The following RBM34 variants were observed in gnomAD, a reference collection of about 807,000 sequenced individuals.
RBM34 encodes the protein RNA-binding protein 34.
In RBM34, 39 loss-of-function variants were observed where a neutral mutation model predicts 44.6. The ratio of observed to expected loss-of-function variants is 0.87; its 90% CI spans 0.68 to 1.14. RBM34 has a LOEUF of 1.14. Among genes scored for constraint, RBM34 ranks in the 50% most tolerant of loss-of-function variants. The probability of loss-of-function intolerance (pLI) is 0.00; values close to 1 mark genes in which losing one functional copy is unlikely to be tolerated. For synonymous variants in RBM34, 194 were observed against 184.0 expected, an observed-to-expected ratio of 1.05 and a Z score of -0.44; for missense variants, 572 against 517.9, an observed-to-expected ratio of 1.10 and a Z score of -1.01.
chr1:235,152,142 T>C (rs1173627405), intron 5 of RBM34, among the ~76,000 whole-genome samples: 1 of 148,388 alleles, frequency 6.7e-6, no homozygotes, highest in Non-Finnish European at 1.5e-5. Flanking sequence ...CCTATGCAGT[T>C]AAAAAAAAAA....
intron 6 of RBM34, among the ~76,000 whole-genome samples, chr1:235,139,967 T>C (rs1000965073): frequency 6.6e-6 from 1 of 152,212 alleles, no homozygotes; most frequent in Non-Finnish European, 1.5e-5. Flanking sequence ...GGCAGGAGTG[T>C]GCGCCCATCC....
chr1:235,134,086 T>G (rs1459689921), intron 10 of RBM34, among the ~76,000 whole-genome samples: 2 of 152,118 alleles, frequency 1.3e-5, no homozygotes, highest in East Asian at 3.8e-4. Context: ...CCATCCAGGT[T>G]GGGTGGCTCA....
Position 235,142,073 on chromosome 1 carries a change from G to A in RBM34, c.702-3899C>T, listed in dbSNP as rs1386585320. ...GAGAAGACCCCTACAGCCGGAGGAA[G>A]GGAGGAGTCCAGCTACCGGGGGAGA... On this transcript the variant is annotated intron_variant, in intron 6 of 10. Transcript: ENST00000408888. 2.0e-5 allele frequency among the ~76,000 whole-genome samples: 3 copies of A among 152,268 alleles called. No individual in the cohort carries two copies. The East Asian group carries it at 5.8e-4, about 29-fold the overall frequency.
rs1662710284 is a variant in RBM34 at position 235,161,211 on chromosome 1, T to C, written c.16A>G (p.Met6Val). 6.2e-7 allele frequency: 1 copy of C among 1,611,992 alleles called. No homozygotes were observed. The highest frequency in any genetic ancestry group is 1.3e-5 in the African/African-American group (1 of 74,862). Residue 6 changes from methionine to valine, a missense_variant, in exon 1 of 11, where the codon ATG becomes GTG. Physicochemically the swap from Met to Val is conservative, Grantham distance 21. Transcript: ENST00000408888. The part of the protein sequence containing the change: MALEG[M>V]SKRKRKRSVQ... Reference sequence around the variant, plus strand: ...CTTCTCTTTCTCTTCCGTTTGCTCATCCCTTCCAAGGCCATTCTTACTCCA... The same window carrying C: ...CTTCTCTTTCTCTTCCGTTTGCTCACCCCTTCCAAGGCCATTCTTACTCCA...
At chr1:235,159,167 C>T (rs1395717874) in intron 3 of RBM34, among the ~76,000 whole-genome samples, 3 of 149,218 alleles carry the variant, frequency 2.0e-5, no homozygotes, top group Non-Finnish European at 3.0e-5. Flanking sequence ...GAGCCGCAAT[C>T]GCACCACTGC....
chr1:235,147,942 C>CA (rs1028313550), intron 6 of RBM34, among the ~76,000 whole-genome samples: 18 of 151,604 alleles, frequency 1.2e-4, no homozygotes, highest in Non-Finnish European at 2.2e-4. Context: ...GAGTGGGAAA[C>CA]AAAAAAAATC....
rs1471732625 is a variant in RBM34, at chr1:235,131,933, C to CT, written c.1072dup (p.Arg358LysfsTer7). ...TTCTTTATTAACAGAACGCATGACTCTGAGTTTTCTCCCCATGAGTTCAGA... is the reference window on the plus strand; with the variant it reads ...TTCTTTATTAACAGAACGCATGACTCTTGAGTTTTCTCCCCATGAGTTCAGA... On this transcript the variant is annotated frameshift_variant, in exon 11 of 11. Coordinates refer to ENST00000408888, the MANE Select transcript of RBM34 (RefSeq NM_015014.4). LOFTEE classifies it high-confidence loss of function. 2 of 1,612,416 alleles carry CT rather than the reference C, an allele frequency of 1.2e-6. No homozygotes were observed. Among genetic ancestry groups the CT allele is most frequent in the East Asian group, 2.2e-5 (1 of 44,862 alleles).
rs544081649 is a variant in RBM34 at position 235,154,561 on chromosome 1, T to C, written c.597+320A>G. ...CCTAGGTGACAGTGAGAACCTGTCC[T>C]GAAAAAGAAAAGAAAAAGGAAAGAC... is the stretch of plus-strand genomic sequence containing the variant. On this transcript the variant is annotated intron_variant, in intron 4 of 10. Coordinates refer to ENST00000408888, the MANE Select transcript of RBM34 (RefSeq NM_015014.4). Among the ~76,000 whole-genome samples the C allele has an allele frequency of 5.9e-5, 9 of 152,182 alleles. No individual in the cohort carries two copies. The South Asian group carries it at 1.9e-3, about 32-fold the overall frequency.
At chr1:235,144,338 G>A (rs1408304927) in intron 6 of RBM34, among the ~76,000 whole-genome samples, 2 of 152,164 alleles carry the variant, frequency 1.3e-5, no homozygotes, top group African/African-American at 4.8e-5. Flanking sequence ...CCTGAGGACA[G>A]AGGTGGAGGG....
Position 235,161,208 on chromosome 1 carries a change from T to C in RBM34, c.19A>G (p.Ser7Gly). The change falls in exon 1 of 11, where the codon AGC (serine) becomes GGC (glycine). Residue 7 changes from serine (S) to glycine (G), a missense_variant. Physicochemically the swap from Ser to Gly is moderately conservative, Grantham distance 56 (BLOSUM62 0). Coordinates refer to ENST00000408888, the MANE Select transcript of RBM34 (RefSeq NM_015014.4). MALEGMSKRKRKRSVQE... is the reference protein window; with the variant it reads MALEGMGKRKRKRSVQE... ...ACACTTCTCTTTCTCTTCCGTTTGC[T>C]CATCCCTTCCAAGGCCATTCTTACT... The C allele has an allele frequency of 6.2e-7, 1 of 1,611,604 alleles. No individual in the cohort carries two copies. The highest frequency in any genetic ancestry group is 8.5e-7 in the Non-Finnish European group (1 of 1,178,702).
intron 4 of RBM34, 85 bp downstream of exon 4, chr1:235,154,796 T>G: frequency 7.7e-6 from 8 of 1,045,254 alleles, no homozygotes; most frequent in Non-Finnish European, 1.2e-5. Flanking sequence ...TGAAGTTATA[T>G]CCATGACTTA....
rs1264412193 is a variant in RBM34, at chr1:235,155,860, T to C, written c.366-748A>G. Among the ~76,000 whole-genome samples the C allele has an allele frequency of 2.5e-3, 99 of 39,864 alleles. 5 individuals carry two copies. Among genetic ancestry groups the C allele is most frequent in the African/African-American group, 0.014 (92 of 6,638 alleles). The allele number at this position is 39,864 out of a possible 152,430, so 26.2% of individuals were successfully genotyped here. ...ATATATATATATATATATATATATATATATATACATATATACTTTTTTTTT... is the reference window on the plus strand; with the variant it reads ...ATATATATATATATATATATATATACATATATACATATATACTTTTTTTTT... On this transcript the variant is annotated intron_variant, in intron 3 of 10. Transcript: ENST00000408888.
Position 235,131,331 on chromosome 1 carries a change from ACC to A in RBM34, c.*380_*381del, listed in dbSNP as rs1661187613. The stretch of plus-strand genomic sequence containing the variant: ...AGACCAGCCTGGCCAACATGGTGAA[ACC>A]CCGTCTCTACTAAAAATACAAAAAA... On this transcript the variant is annotated 3_prime_UTR_variant, in exon 11 of 11. Transcript: ENST00000408888. The A allele has an allele frequency of 6.1e-6, 1 of 162,934 alleles. No homozygotes were observed. Among genetic ancestry groups the A allele is most frequent in the South Asian group, 1.7e-4 (1 of 5,942 alleles). The allele number at this position is 162,934 out of a possible 1,614,324, so 10.1% of individuals were successfully genotyped here.
At chr1:235,160,731 G>C in intron 2 of RBM34, 84 bp from the exon 3 acceptor site, 1 of 1,532,530 alleles carries the variant, frequency 6.5e-7, no homozygotes. Flanking sequence ...TTCTAAATGA[G>C]AATCTCTTCT....
chr1:235,132,767 T>G (rs1161960815), intron 10 of RBM34, among the ~76,000 whole-genome samples: 1 of 152,182 alleles, frequency 6.6e-6, no homozygotes, highest in African/African-American at 2.4e-5. Context: ...TCTGTTATAC[T>G]TCTGTTCCAA....
In RBM34 at chr1:235,136,071, T is replaced by A. The variant is rs1661415995; in HGVS notation, c.852A>T (p.Arg284Ser). The A allele has an allele frequency of 6.3e-7, 1 of 1,599,448 alleles. No homozygotes were observed. The highest frequency in any genetic ancestry group is 8.6e-7 in the Non-Finnish European group (1 of 1,169,314). Residue 284 changes from arginine (R) to serine (S), a missense_variant and splice_region_variant, in exon 9 of 11, where the codon AGA (arginine) becomes AGT (serine). By Grantham distance (110) the Arg-to-Ser change is moderately radical. Transcript: ENST00000408888. ...TCCCCACAAAAACCGATCTCTTGTCTCTCTGAAACAAAAAGACAGTTAATA... is the reference window on the plus strand; with the variant it reads ...TCCCCACAAAAACCGATCTCTTGTCACTCTGAAACAAAAAGACAGTTAATA... ...RVDLASETSS[R>S]DKRSVFVGNL... is the part of the protein sequence containing the mutation.
chr1:235,155,408 C>T lies in RBM34; in HGVS notation c.366-296G>A, dbSNP rs1662356340. 2.7e-5 allele frequency among the ~76,000 whole-genome samples: 4 copies of T among 148,692 alleles called. No homozygotes were observed. In the South Asian group the frequency reaches 8.5e-4, roughly 32 times the overall value. ...CCAGGCTGGAGTGTAGCAGCGTAAT[C>T]ACAGCTCACTGCAGCCTCAACCTCC... is the stretch of plus-strand genomic sequence containing the variant. On this transcript the variant is annotated intron_variant, in intron 3 of 10. Transcript: ENST00000408888.
intron 6 of RBM34, among the ~76,000 whole-genome samples, chr1:235,142,138 A>C (rs1368099150): frequency 6.6e-6 from 1 of 152,176 alleles, no homozygotes; most frequent in Non-Finnish European, 1.5e-5. Flanking sequence ...CTAAAGGTAC[A>C]AGGCATTTGG....
intron 6 of RBM34, among the ~76,000 whole-genome samples, chr1:235,147,927 A>T (rs1661974354): frequency 6.6e-6 from 1 of 152,112 alleles, no homozygotes; most frequent in Non-Finnish European, 1.5e-5. Flanking sequence ...TTCATTCTTG[A>T]CACTGAGTGG....
Sources: allele counts gnomAD v4.1 joint callset (sites outside exome capture counted in the v4.1 genomes callset), GRCh38; gene constraint gnomAD v4.1.1; transcripts MANE v1.5; gene names NCBI Gene and HGNC (gene_info 2026-07-23, HGNC 2026-07-21).